The following GPC5 variants were observed in gnomAD, a reference collection of about 807,000 sequenced individuals.
The protein encoded by GPC5 is glypican-5.
A neutral mutation model predicts 53.9 loss-of-function variants in GPC5; 47 were observed. The observed-to-expected ratio is 0.87, with a 90% confidence interval of 0.69 to 1.11. GPC5 has a LOEUF of 1.11. Among genes scored for constraint, GPC5 ranks in the 50% most tolerant of loss-of-function variants. The probability of loss-of-function intolerance (pLI) is 0.00; values close to 1 mark genes in which losing one functional copy is unlikely to be tolerated. For synonymous variants in GPC5, 286 were observed against 263.3 expected, an observed-to-expected ratio of 1.09 and a Z score of -0.84; for missense variants, 748 against 713.1, an observed-to-expected ratio of 1.05 and a Z score of -0.56.
chr13:91,928,559 A>G (rs769892212), intron 6 of GPC5, among the ~76,000 whole-genome samples: 33 of 152,160 alleles, frequency 2.2e-4, no homozygotes, highest in Admixed American at 3.9e-4. Context: ...TCATGGTAGC[A>G]TAAATGAGGG....
At chr13:91,759,686 T>A (rs2037368864) in intron 5 of GPC5, among the ~76,000 whole-genome samples, 1 of 151,424 alleles carries the variant, frequency 6.6e-6, no homozygotes, top group Non-Finnish European at 1.5e-5. Flanking sequence ...TCCATCCCCT[T>A]GATGTAAATT....
chr13:92,426,654 G>A (rs1022377628), intron 7 of GPC5, among the ~76,000 whole-genome samples: 3 of 152,032 alleles, frequency 2.0e-5, no homozygotes, highest in Non-Finnish European at 4.4e-5. Flanking sequence ...CTTATTTTAT[G>A]TATTTGCTTA....
intron 7 of GPC5, among the ~76,000 whole-genome samples, chr13:92,245,983 G>T (rs1480604525): frequency 6.6e-6 from 1 of 151,702 alleles, no homozygotes; most frequent in Non-Finnish European, 1.5e-5. Context: ...TAGTATAAAG[G>T]GGTGAAAAGT....
chr13:92,647,902 T>G (rs1885825793), intron 7 of GPC5, among the ~76,000 whole-genome samples: 1 of 152,058 alleles, frequency 6.6e-6, no homozygotes, highest in Admixed American at 6.6e-5. Context: ...TCTAATATGA[T>G]GAAAGGAAAA....
At chr13:92,602,137 A>ATG (rs1200322114) in intron 7 of GPC5, among the ~76,000 whole-genome samples, 1 of 146,366 alleles carries the variant, frequency 6.8e-6, no homozygotes, top group African/African-American at 2.5e-5. Context: ...TATAATACAT[A>ATG]TGTGTGTATA....
At chr13:91,714,855 C>A (rs528209447) in intron 3 of GPC5, among the ~76,000 whole-genome samples, 1 of 152,238 alleles carries the variant, frequency 6.6e-6, no homozygotes, top group Admixed American at 6.5e-5. Context: ...AAGGGTCAAC[C>A]CACGGTAGAA....
chr13:92,677,396 A>G, intron 7 of GPC5, among the ~76,000 whole-genome samples: 1 of 152,232 alleles, frequency 6.6e-6, no homozygotes, highest in East Asian at 1.9e-4. Context: ...AATAGAAAAC[A>G]CACTGTTATT....
intron 5 of GPC5, among the ~76,000 whole-genome samples, chr13:91,759,938 G>GAGT (rs1026669722): frequency 6.6e-6 from 1 of 152,030 alleles, no homozygotes; most frequent in African/African-American, 2.4e-5. Flanking sequence ...GTTCTGCATA[G>GAGT]AGTATTTCTG....
chr13:92,060,994 T>A (rs2041118224), intron 6 of GPC5, among the ~76,000 whole-genome samples: 1 of 152,004 alleles, frequency 6.6e-6, no homozygotes, highest in African/African-American at 2.4e-5. Flanking sequence ...TCTAAGACAA[T>A]GACTGCAAAA....
chr13:91,473,566 T>C (rs1882761224), intron 2 of GPC5, among the ~76,000 whole-genome samples: 1 of 152,214 alleles, frequency 6.6e-6, no homozygotes, highest in Non-Finnish European at 1.5e-5. Context: ...TCTTCTTAGT[T>C]ATGACACAGT....
chr13:92,242,389 T>C (rs1052476324), intron 7 of GPC5, among the ~76,000 whole-genome samples: 8 of 152,186 alleles, frequency 5.3e-5, no homozygotes, highest in Admixed American at 5.2e-4. Context: ...TAGACCATTT[T>C]GACATGCATT....
chr13:91,440,180 C>A (rs1880315847), intron 1 of GPC5, among the ~76,000 whole-genome samples: 2 of 152,098 alleles, frequency 1.3e-5, no homozygotes, highest in Non-Finnish European at 2.9e-5. Flanking sequence ...ATTTTACCAG[C>A]CCTGTTTTCT....
intron 2 of GPC5, among the ~76,000 whole-genome samples, chr13:91,654,261 A>G (rs755557851): frequency 8.5e-5 from 13 of 152,226 alleles, no homozygotes; most frequent in Non-Finnish European, 1.6e-4. Context: ...ACATAGATCC[A>G]GAAATTCTAC....
In GPC5 at chr13:91,879,965, A is replaced by G. The variant is rs560592346; in HGVS notation, c.1281-27972A>G. ...TATTATTTTTATATTAACTTCATCA[A>G]GAGTTGGTAATAGTTATATTTGCTT... is the stretch of plus-strand genomic sequence containing the variant. On this transcript the variant is annotated intron_variant, in intron 5 of 7. Transcript: ENST00000377067. 2.6e-5 allele frequency among the ~76,000 whole-genome samples: 4 copies of G among 152,202 alleles called. No individual in the cohort carries two copies. The East Asian group carries it at 5.8e-4, about 22-fold the overall frequency.
At chr13:91,502,800 G>T (rs912399854) in intron 2 of GPC5, among the ~76,000 whole-genome samples, 2 of 152,128 alleles carry the variant, frequency 1.3e-5, no homozygotes, top group Admixed American at 1.3e-4. Context: ...TTAGGGAAAT[G>T]CTATTTTTTG....
intron 2 of GPC5, among the ~76,000 whole-genome samples, chr13:91,534,801 T>C (rs1886510667): frequency 6.6e-6 from 1 of 152,178 alleles, no homozygotes; most frequent in Non-Finnish European, 1.5e-5. Flanking sequence ...TTGTTTTGTT[T>C]TGTTTTGTAC....
chr13:91,904,952 CA>C (rs534474439), intron 5 of GPC5, among the ~76,000 whole-genome samples: 51 of 152,018 alleles, frequency 3.4e-4, no homozygotes, highest in Non-Finnish European at 6.5e-4. Context: ...TTGCTGCCCT[CA>C]GTCATTGACT....
At chr13:92,064,580 AC>A (rs2041150795) in intron 6 of GPC5, among the ~76,000 whole-genome samples, 1 of 151,816 alleles carries the variant, frequency 6.6e-6, no homozygotes, top group Admixed American at 6.6e-5. Flanking sequence ...ACATGGTGAA[AC>A]CCCATCTCTA....
chr13:91,735,520 A>G (rs183436405), intron 4 of GPC5, among the ~76,000 whole-genome samples: 1 of 151,180 alleles, frequency 6.6e-6, no homozygotes, highest in East Asian at 1.9e-4. Flanking sequence ...CACTATATTT[A>G]CTCTCATTTT....
Sources: allele counts gnomAD v4.1 joint callset (sites outside exome capture counted in the v4.1 genomes callset), GRCh38; gene constraint gnomAD v4.1.1; transcripts MANE v1.5; gene names NCBI Gene and HGNC (gene_info 2026-07-23, HGNC 2026-07-21).